The following CA8 variants were observed in gnomAD, a reference collection of about 807,000 sequenced individuals.
The protein encoded by CA8 is carbonic anhydrase 8 (inactive), also known as carbonic anhydrase-related protein.
CA8 carries 22 observed loss-of-function variants against 41.4 expected under a neutral mutation model. The ratio of observed to expected loss-of-function variants is 0.53; its 90% CI spans 0.38 to 0.76. The LOEUF is 0.76. Ranked by LOEUF, CA8 falls within the 30% of genes least tolerant of loss-of-function variation. The probability of loss-of-function intolerance (pLI) is 0.00; values close to 1 mark genes in which losing one functional copy is unlikely to be tolerated. For synonymous variants in CA8, 121 were observed against 130.6 expected, an observed-to-expected ratio of 0.93 and a Z score of 0.50; for missense variants, 270 against 352.8, an observed-to-expected ratio of 0.77 and a Z score of 1.88.
chr8:60,228,277 CA>C (rs1250816518), intron 4 of CA8, among the ~76,000 whole-genome samples: 1 of 152,068 alleles, frequency 6.6e-6, no homozygotes, highest in African/African-American at 2.4e-5. Context: ...AAGTTAAAAA[CA>C]AAAAAACATT....
chr8:60,269,136 C>G (rs962065183), intron 2 of CA8, among the ~76,000 whole-genome samples: 1 of 152,138 alleles, frequency 6.6e-6, no homozygotes, highest in Non-Finnish European at 1.5e-5. Context: ...GTTCATCCCC[C>G]AAGAATGATT....
At chr8:60,250,784 T>C (rs1808414481) in intron 3 of CA8, among the ~76,000 whole-genome samples, 2 of 152,200 alleles carry the variant, frequency 1.3e-5, no homozygotes, top group Non-Finnish European at 1.5e-5. Flanking sequence ...ATAAATTTCA[T>C]AACTGTGTAA....
chr8:60,205,650 T>C (rs1253734279), intron 8 of CA8, among the ~76,000 whole-genome samples: 1 of 152,128 alleles, frequency 6.6e-6, no homozygotes, highest in Non-Finnish European at 1.5e-5. Context: ...ACAAGTATAA[T>C]ACAAAATCAT....
At chr8:60,222,854 C>A in intron 6 of CA8, 93 bp from the exon 7 acceptor site, 1 of 769,744 alleles carries the variant, frequency 1.3e-6, no homozygotes, top group East Asian at 2.5e-5. Context: ...TACAAACTGT[C>A]CAAATGATGC....
At chr8:60,218,736 T>C (rs990466078) in intron 7 of CA8, among the ~76,000 whole-genome samples, 16 of 152,180 alleles carry the variant, frequency 1.1e-4, no homozygotes, top group Admixed American at 3.3e-4. Context: ...AAAATGTGTA[T>C]GTATCCTCGA....
chr8:60,191,186 T>C (rs774627325), intron 8 of CA8, among the ~76,000 whole-genome samples: 14 of 151,984 alleles, frequency 9.2e-5, no homozygotes, highest in Non-Finnish European at 1.9e-4. Context: ...ACAGAAAATA[T>C]TGTAGATATT....
intron 3 of CA8, among the ~76,000 whole-genome samples, chr8:60,262,086 A>G (rs1219717421): frequency 6.6e-6 from 1 of 152,212 alleles, no homozygotes; most frequent in African/African-American, 2.4e-5. Flanking sequence ...TTATGAGAGT[A>G]GCTATTCGTG....
In CA8 at chr8:60,190,957, T is replaced by TATATACACAC. The variant is rs1554573722; in HGVS notation, c.*36-973_*36-972insGTGTGTATAT. Among the ~76,000 whole-genome samples, 54 of 104,238 alleles carry TATATACACAC rather than the reference T, an allele frequency of 5.2e-4. 2 individuals are homozygous for TATATACACAC. Among genetic ancestry groups the TATATACACAC allele is most frequent in the Admixed American group, 4.7e-3 (47 of 9,946 alleles). The allele number at this position is 104,238 out of a possible 152,430, so 68.4% of individuals were successfully genotyped here. A position where few individuals can be genotyped will look rare whatever the true frequency, so the allele number is the denominator to read the frequency against. On this transcript the variant is annotated intron_variant, in intron 8 of 8. Coordinates refer to ENST00000317995, the MANE Select transcript of CA8 (RefSeq NM_004056.6). ...CACACACTATATATATATATATATATACACACACACATTTCTACATATGCA... is the reference window on the plus strand; with the variant it reads ...CACACACTATATATATATATATATATATATACACACACACACACACATTTCTACATATGCA...
rs186597401 is a variant in CA8 at position 60,277,217 on chromosome 8, C to A, written c.292+2472G>T. 1.6e-3 allele frequency among the ~76,000 whole-genome samples: 237 copies of A among 151,730 alleles called. 1 individual carries two copies. The highest frequency in any genetic ancestry group is 2.9e-3 in the Non-Finnish European group (195 of 67,982). ...CAAAGCATAACAGCATTATTATATT[C>A]TTACATTCTTGGAGGTAACCACAGG... On this transcript the variant is annotated intron_variant, in intron 2 of 8. Coordinates refer to ENST00000317995, the MANE Select transcript of CA8 (RefSeq NM_004056.6).
chr8:60,218,791 T>C (rs1807121911), intron 7 of CA8, among the ~76,000 whole-genome samples: 3 of 152,178 alleles, frequency 2.0e-5, no homozygotes, highest in African/African-American at 7.2e-5. Flanking sequence ...TTTGATGTTT[T>C]ACATGTATCA....
intron 3 of CA8, among the ~76,000 whole-genome samples, chr8:60,257,890 C>T (rs1373443761): frequency 2.0e-5 from 3 of 152,254 alleles, no homozygotes; most frequent in Non-Finnish European, 4.4e-5. Context: ...AATCTGCATA[C>T]TGCACAGGCA....
At chr8:60,237,322 G>T (rs1414792891) in intron 3 of CA8, among the ~76,000 whole-genome samples, 1 of 152,072 alleles carries the variant, frequency 6.6e-6, no homozygotes, top group Admixed American at 6.5e-5. Context: ...TTCTTATCAC[G>T]TTTTACTGTT....
In CA8 at chr8:60,232,518, G is replaced by A. The variant is rs1383057227; in HGVS notation, c.418-139C>T. On this transcript the variant is annotated intron_variant, in intron 3 of 8. Coordinates refer to ENST00000317995, the MANE Select transcript of CA8 (RefSeq NM_004056.6). ...GATCACAAGTAGACACAAACTACTG[G>A]CTTAATACGAGTTCTCTGTATGAAT... 1.2e-5 allele frequency: 9 copies of A among 731,342 alleles called. No homozygotes were observed. The East Asian group carries it at 2.3e-4, about 18-fold the overall frequency. The allele number at this position is 731,342 out of a possible 1,614,324, so 45.3% of individuals were successfully genotyped here.
intron 3 of CA8, among the ~76,000 whole-genome samples, chr8:60,258,922 A>G (rs576545248): frequency 6.6e-6 from 1 of 152,318 alleles, no homozygotes; most frequent in South Asian, 2.1e-4. Flanking sequence ...GTACCAGTCC[A>G]TGGCCCAGGA....
intron 3 of CA8, among the ~76,000 whole-genome samples, chr8:60,248,962 A>G (rs987460044): frequency 6.6e-6 from 1 of 152,102 alleles, no homozygotes; most frequent in East Asian, 1.9e-4. Context: ...GTTCTCCTTG[A>G]AGAGGCCCTT....
chr8:60,251,581 T>C (rs1808449509), intron 3 of CA8, among the ~76,000 whole-genome samples: 1 of 152,212 alleles, frequency 6.6e-6, no homozygotes, highest in Non-Finnish European at 1.5e-5. Flanking sequence ...AGTTCATGCA[T>C]AACACTATGT....
At chr8:60,199,894 G>C (rs566123434) in intron 8 of CA8, among the ~76,000 whole-genome samples, 2 of 152,234 alleles carry the variant, frequency 1.3e-5, no homozygotes, top group Non-Finnish European at 2.9e-5. Context: ...TTTGTTTCTA[G>C]TATATTCTTG....
Position 60,281,036 on chromosome 8 carries a change from G to A in CA8, c.100+12C>T, listed in dbSNP as rs775106662. 1.0e-5 allele frequency: 16 copies of A among 1,598,662 alleles called. No individual in the cohort carries two copies. Among genetic ancestry groups the A allele is most frequent in the Non-Finnish European group, 1.3e-5 (15 of 1,168,866 alleles). ...CGCGGGACCCCGGACACCCCGACTC[G>A]CGGCCACTTACCTTCCTCGTAGCCC... On this transcript the variant is annotated intron_variant, in intron 1 of 8. Transcript: ENST00000317995.
intron 3 of CA8, among the ~76,000 whole-genome samples, chr8:60,251,206 A>C (rs1808431967): frequency 6.6e-6 from 1 of 152,190 alleles, no homozygotes; most frequent in African/African-American, 2.4e-5. Context: ...GGGAGGAGGA[A>C]ATCCTCTAGA....
Sources: gnomAD v4.1 joint callset for allele counts (sites outside exome capture counted in the v4.1 genomes callset) on GRCh38, gnomAD v4.1.1 for gene constraint, MANE v1.5 for transcripts, NCBI Gene and HGNC (gene_info 2026-07-23, HGNC 2026-07-21) for gene names.